Variants in MKLN1 observed in about 807,000 individuals in gnomAD.
MKLN1 encodes muskelin 1.
MKLN1 carries 18 observed loss-of-function variants against 99.0 expected under a neutral mutation model. That is an observed-to-expected ratio of 0.18 (90% CI 0.13 to 0.27). The LOEUF is 0.27. MKLN1 is among the 10% of genes least tolerant of loss of function. MKLN1 has a pLI of 1.00. For synonymous variants in MKLN1, 288 were observed against 293.2 expected, an observed-to-expected ratio of 0.98 and a Z score of 0.18; for missense variants, 621 against 875.9, an observed-to-expected ratio of 0.71 and a Z score of 3.67.
chr7:131,206,083 G>A (rs1453908413), intron 3 of MKLN1, among the ~76,000 whole-genome samples: 2 of 151,744 alleles, frequency 1.3e-5, no homozygotes, highest in Non-Finnish European at 2.9e-5. Flanking sequence ...TAGTAGAGAC[G>A]GGGTTTCGCC....
intron 1 of MKLN1, among the ~76,000 whole-genome samples, chr7:131,352,909 A>C (rs529268159): frequency 6.6e-6 from 1 of 152,254 alleles, no homozygotes; most frequent in Admixed American, 6.5e-5. Context: ...CTGTCCCTTC[A>C]ACACTTTTTA....
chr7:131,273,661 G>A (rs970517505), intron 3 of MKLN1, among the ~76,000 whole-genome samples: 3 of 143,104 alleles, frequency 2.1e-5, no homozygotes, highest in African/African-American at 7.8e-5. Context: ...GTCTCACTCT[G>A]TCACCCAGGC....
At chr7:131,110,384 A>C (rs1795174564) in intron 1 of MKLN1, among the ~76,000 whole-genome samples, 1 of 152,074 alleles carries the variant, frequency 6.6e-6, no homozygotes, top group South Asian at 2.1e-4. Flanking sequence ...TTACTATTGG[A>C]GTGACGCCCC....
At chr7:131,373,969 G>A (rs1793554337) in intron 1 of MKLN1, among the ~76,000 whole-genome samples, 1 of 151,992 alleles carries the variant, frequency 6.6e-6, no homozygotes, top group Admixed American at 6.6e-5. Context: ...CTATTCATTT[G>A]TTTCATTGAC....
chr7:131,254,086 AC>A (rs1401403172), intron 3 of MKLN1, among the ~76,000 whole-genome samples: 63 of 152,316 alleles, frequency 4.1e-4, no homozygotes, highest in African/African-American at 1.4e-3. Context: ...TAGGGCTTAT[AC>A]CAACAGAGGC....
At chr7:131,183,049 G>A (rs771313601) in intron 2 of MKLN1, among the ~76,000 whole-genome samples, 5 of 152,178 alleles carry the variant, frequency 3.3e-5, no homozygotes, top group Non-Finnish European at 5.9e-5. Context: ...GGTGGATGTG[G>A]AGTGGTTTTG....
intron 3 of MKLN1, among the ~76,000 whole-genome samples, chr7:131,262,795 C>A (rs922688830): frequency 6.6e-6 from 1 of 152,066 alleles, no homozygotes; most frequent in Non-Finnish European, 1.5e-5. Flanking sequence ...ATCCGCCCAC[C>A]TCGGCCTCCC....
intron 2 of MKLN1, among the ~76,000 whole-genome samples, chr7:131,377,850 A>G (rs962445185): frequency 1.8e-4 from 27 of 152,210 alleles, no homozygotes; most frequent in Admixed American, 4.6e-4. Flanking sequence ...AAACATTTCA[A>G]TATGATAAGT....
intron 7 of MKLN1, among the ~76,000 whole-genome samples, chr7:131,412,030 T>G (rs1240910105): frequency 6.6e-6 from 1 of 150,506 alleles, no homozygotes. Flanking sequence ...AAGGCTGCAG[T>G]CAGCCGTGTT....
At chr7:131,433,729 C>G (rs1435668082) in intron 9 of MKLN1, among the ~76,000 whole-genome samples, 1 of 152,100 alleles carries the variant, frequency 6.6e-6, no homozygotes, top group Non-Finnish European at 1.5e-5. Flanking sequence ...ATGACACTCC[C>G]TCGATTACTG....
chr7:131,390,143 G>A (rs1794155931), intron 4 of MKLN1, among the ~76,000 whole-genome samples: 1 of 152,006 alleles, frequency 6.6e-6, no homozygotes, highest in Non-Finnish European at 1.5e-5. Flanking sequence ...GAATATTTGA[G>A]GTCTTAAGAA....
chr7:131,406,732 A>C (rs1794720758), intron 6 of MKLN1, among the ~76,000 whole-genome samples: 1 of 151,988 alleles, frequency 6.6e-6, no homozygotes, highest in South Asian at 2.1e-4. Flanking sequence ...ATAGGAGGGT[A>C]TTTTTGCTAG....
At chr7:131,483,802 C>G (rs1000935817) in intron 17 of MKLN1, among the ~76,000 whole-genome samples, 1 of 152,198 alleles carries the variant, frequency 6.6e-6, no homozygotes, top group African/African-American at 2.4e-5. Context: ...CAGCTGGGGA[C>G]GTGTGCATAT....
intron 3 of MKLN1, among the ~76,000 whole-genome samples, chr7:131,292,316 T>C (rs1200748469): frequency 6.6e-6 from 1 of 152,178 alleles, no homozygotes; most frequent in East Asian, 1.9e-4. Context: ...AAAATGATGA[T>C]GCTTAAGAAA....
At chr7:131,131,809 A>G (rs1795555803) in intron 1 of MKLN1, among the ~76,000 whole-genome samples, 1 of 152,204 alleles carries the variant, frequency 6.6e-6, no homozygotes, top group African/African-American at 2.4e-5. Flanking sequence ...TGAGAGAATC[A>G]AAGAAAAGGA....
At chr7:131,479,784 G>T (rs1039740401) in intron 17 of MKLN1, among the ~76,000 whole-genome samples, 1 of 151,652 alleles carries the variant, frequency 6.6e-6, no homozygotes, top group Admixed American at 6.6e-5. Context: ...CCGAGATTGC[G>T]CCACTGCACT....
intron 8 of MKLN1, among the ~76,000 whole-genome samples, chr7:131,418,425 C>T (rs1795090241): frequency 6.7e-6 from 1 of 150,062 alleles, no homozygotes; most frequent in African/African-American, 2.4e-5. Flanking sequence ...AATCTTTTGG[C>T]TTCCCTGGGC....
intron 2 of MKLN1, among the ~76,000 whole-genome samples, chr7:131,382,796 T>C (rs1397913562): frequency 2.0e-5 from 3 of 152,130 alleles, no homozygotes; most frequent in Non-Finnish European, 2.9e-5. Context: ...CGATCTTGGC[T>C]CACTGCAAGC....
intron 3 of MKLN1, among the ~76,000 whole-genome samples, chr7:131,302,567 T>C (rs1008870496): frequency 6.6e-6 from 1 of 152,206 alleles, no homozygotes; most frequent in Non-Finnish European, 1.5e-5. Context: ...TTCGTTTAGA[T>C]GTGGTAATTT....
Sources: gnomAD v4.1 joint callset for allele counts (sites outside exome capture counted in the v4.1 genomes callset) on GRCh38, gnomAD v4.1.1 for gene constraint, MANE v1.5 for transcripts, NCBI Gene and HGNC (gene_info 2026-07-23, HGNC 2026-07-21) for gene names.